The following FAM20C variants were observed in gnomAD, a reference collection of about 807,000 sequenced individuals.
The protein encoded by FAM20C is extracellular serine/threonine protein kinase FAM20C.
FAM20C carries 40 observed loss-of-function variants against 51.5 expected under a neutral mutation model. The ratio of observed to expected loss-of-function variants is 0.78; its 90% CI spans 0.60 to 1.01. The LOEUF (loss-of-function observed/expected upper bound fraction) is 1.01, where lower values mean the gene tolerates loss of function less well. FAM20C is among the 50% of genes least tolerant of loss of function. The probability of loss-of-function intolerance (pLI) is 0.00; values close to 1 mark genes in which losing one functional copy is unlikely to be tolerated. For synonymous variants in FAM20C, 406 were observed against 380.6 expected, an observed-to-expected ratio of 1.07 and a Z score of -0.78; for missense variants, 861 against 844.7, an observed-to-expected ratio of 1.02 and a Z score of -0.24.
intron 2 of FAM20C, among the ~76,000 whole-genome samples, chr7:205,166 G>C (rs921265622): frequency 6.6e-6 from 1 of 152,160 alleles, no homozygotes; most frequent in Non-Finnish European, 1.5e-5. Flanking sequence ...CTAGAAACAG[G>C]GTCTCTGTTG....
At chr7:194,736 C>T (rs966299173) in intron 1 of FAM20C, among the ~76,000 whole-genome samples, 9 of 152,050 alleles carry the variant, frequency 5.9e-5, no homozygotes, top group South Asian at 2.1e-4. Context: ...GAGAGACGGC[C>T]GCCCAGAGCA....
chr7:240,657 T>C (rs1204877410), intron 3 of FAM20C, among the ~76,000 whole-genome samples: 1 of 152,210 alleles, frequency 6.6e-6, no homozygotes, highest in South Asian at 2.1e-4. Flanking sequence ...TTCATTCATT[T>C]GTTTATGAAA....
At chr7:203,737 A>G (rs1186730928) in intron 2 of FAM20C, among the ~76,000 whole-genome samples, 3 of 152,198 alleles carry the variant, frequency 2.0e-5, no homozygotes, top group Non-Finnish European at 4.4e-5. Flanking sequence ...AGCTGAGCAC[A>G]GGGGCCAGGA....
intron 1 of FAM20C, 92 bp from the exon 2 acceptor site, chr7:195,462 T>C: frequency 7.1e-6 from 9 of 1,261,718 alleles, no homozygotes; most frequent in Non-Finnish European, 9.2e-6. Context: ...GAACCCAAAG[T>C]TAAAAACACT....
intron 3 of FAM20C, among the ~76,000 whole-genome samples, chr7:218,263 C>T (rs567957487): frequency 2.6e-5 from 4 of 152,292 alleles, no homozygotes; most frequent in Admixed American, 1.3e-4. Flanking sequence ...GGGGCCTTTC[C>T]GGCAGCTCCT....
chr7:241,555 GTT>G (rs1491495377), intron 3 of FAM20C, among the ~76,000 whole-genome samples: 2 of 128,358 alleles, frequency 1.6e-5, no homozygotes, highest in African/African-American at 3.7e-5. Flanking sequence ...TTCTGTGGGG[GTT>G]GTGTGTGTGT....
At chr7:216,979 C>G (rs1279351636) in intron 3 of FAM20C, among the ~76,000 whole-genome samples, 1 of 152,084 alleles carries the variant, frequency 6.6e-6, no homozygotes, top group East Asian at 1.9e-4. Context: ...CCCTGAACGG[C>G]CTCATCCCAA....
Position 193,818 on chromosome 7 carries a change from G to A in FAM20C, c.605+14G>A. On this transcript the variant is annotated intron_variant, in intron 1 of 9. Transcript: ENST00000313766. ...GAACCCGGACTGGTGAGTGGGGGCTGGCAGGTGCCCACCCCCAAGGGAGCC... is the reference window on the plus strand; with the variant it reads ...GAACCCGGACTGGTGAGTGGGGGCTAGCAGGTGCCCACCCCCAAGGGAGCC... 1 of 1,552,754 alleles carries A rather than the reference G, an allele frequency of 6.4e-7. No individual in the cohort carries two copies. Among genetic ancestry groups the A allele is most frequent in the Non-Finnish European group, 8.7e-7 (1 of 1,148,484 alleles).
At chr7:248,512 C>T (rs1163393202) in intron 5 of FAM20C, 82 bp downstream of exon 5, 6 of 1,059,984 alleles carry the variant, frequency 5.7e-6, no homozygotes, top group Non-Finnish European at 8.3e-6. Flanking sequence ...GGTAGCCTGG[C>T]ACGGGGAGCC....
intron 1 of FAM20C, chr7:195,298 A>G (rs569223514): frequency 1.6e-4 from 63 of 403,844 alleles, no homozygotes; most frequent in African/African-American, 6.8e-4. Flanking sequence ...GTTTTGCTGT[A>G]GTTAGAGCTG....
chr7:194,777 C>CG (rs921462387), intron 1 of FAM20C, among the ~76,000 whole-genome samples: 25 of 113,184 alleles, frequency 2.2e-4, no homozygotes, highest in African/African-American at 9.1e-4. Context: ...TCCTAGCCCC[C>CG]CACCCCGCCC....
At chr7:214,506 G>A (rs574139973) in intron 3 of FAM20C, among the ~76,000 whole-genome samples, 1 of 152,320 alleles carries the variant, frequency 6.6e-6, no homozygotes, top group African/African-American at 2.4e-5. Context: ...TGGTGCGGGA[G>A]GCGGTACCTG....
chr7:248,187 G>GCC, intron 4 of FAM20C, 128 bp from the exon 5 acceptor site: 1 of 636,996 alleles, frequency 1.6e-6, no homozygotes, highest in Non-Finnish European at 2.7e-6. Context: ...CGGAGGCAGG[G>GCC]ACACAGAGGC....
chr7:200,526 C>T lies in FAM20C; in HGVS notation c.784+4794C>T, dbSNP rs772682422. ...GGGGCCACCCAGGCACCGGCCTCCC[C>T]GTGCTGAGCAGAGACAGCAGCCCCC... On this transcript the variant is annotated intron_variant, in intron 2 of 9. Coordinates refer to ENST00000313766, the MANE Select transcript of FAM20C (RefSeq NM_020223.4). Among the ~76,000 whole-genome samples, 11 of 152,340 alleles carry T rather than the reference C, an allele frequency of 7.2e-5. No individual in the cohort carries two copies. In the South Asian group the frequency reaches 8.3e-4, roughly 11 times the overall value.
intron 3 of FAM20C, chr7:228,739 C>A: frequency 2.2e-6 from 1 of 456,298 alleles, no homozygotes; most frequent in Non-Finnish European, 4.4e-6. Flanking sequence ...ATCCCACATC[C>A]TCCACCAAGA....
At chr7:247,669 T>A (rs1788222389) in intron 4 of FAM20C, among the ~76,000 whole-genome samples, 1 of 139,554 alleles carries the variant, frequency 7.2e-6, no homozygotes, top group Non-Finnish European at 1.5e-5. Context: ...CAAAAAGGGC[T>A]TTTTATGAAA....
chr7:222,522 A>C (rs1331294623), intron 3 of FAM20C, among the ~76,000 whole-genome samples: 1 of 152,158 alleles, frequency 6.6e-6, no homozygotes, highest in Non-Finnish European at 1.5e-5. Flanking sequence ...AGGGGAGTGC[A>C]CAGGTGTCCA....
intron 2 of FAM20C, 75 bp from the exon 3 acceptor site, chr7:208,823 G>C (rs1786568338): frequency 6.8e-7 from 1 of 1,462,242 alleles, no homozygotes; most frequent in African/African-American, 1.4e-5. Flanking sequence ...TTGCAGCCAA[G>C]AGCCCTCGTC....
intron 3 of FAM20C, among the ~76,000 whole-genome samples, chr7:243,081 C>A: frequency 7.5e-6 from 1 of 132,686 alleles, no homozygotes; most frequent in Non-Finnish European, 1.6e-5. Flanking sequence ...ACCTGTGCCA[C>A]CCAAGAGACC....
Sources: gnomAD v4.1 joint callset for allele counts (sites outside exome capture counted in the v4.1 genomes callset) on GRCh38, gnomAD v4.1.1 for gene constraint, MANE v1.5 for transcripts, NCBI Gene and HGNC (gene_info 2026-07-23, HGNC 2026-07-21) for gene names.